Variants in TMC7 observed in about 807,000 individuals in gnomAD.
TMC7 encodes the protein transmembrane channel like 7.
TMC7 carries 54 observed loss-of-function variants against 82.9 expected under a neutral mutation model. The ratio of observed to expected loss-of-function variants is 0.65; its 90% CI spans 0.52 to 0.82. TMC7 has a LOEUF of 0.82. TMC7 is among the 40% of genes least tolerant of loss of function. The pLI, the probability that TMC7 is intolerant of heterozygous loss-of-function variation, is 0.00. For synonymous variants in TMC7, 350 were observed against 337.9 expected (o/e 1.04, Z -0.39); for missense variants, 820 against 901.2 (o/e 0.91, Z 1.15).
chr16:19,043,633 T>G (rs926688972), intron 9 of TMC7, among the ~76,000 whole-genome samples: 7 of 152,124 alleles, frequency 4.6e-5, no homozygotes, highest in Non-Finnish European at 1.0e-4. Context: ...TGCAATGGCG[T>G]GATCTTATCT....
chr16:19,055,919 C>T (rs929570383), intron 13 of TMC7, among the ~76,000 whole-genome samples: 1 of 152,146 alleles, frequency 6.6e-6, no homozygotes, highest in Non-Finnish European at 1.5e-5. Flanking sequence ...GGCCAGTTTC[C>T]TCACTTCTAA....
Position 19,048,427 on chromosome 16 carries a change from A to G in TMC7, c.1740+1178A>G, listed in dbSNP as rs1208502089. On this transcript the variant is annotated intron_variant, in intron 12 of 15. Coordinates refer to ENST00000304381, the MANE Select transcript of TMC7 (RefSeq NM_024847.4). ...AACCTCTTTTTTCTTTCTTTATTTT[A>G]TTTTATTTTTTGAGATGGAGTTTTG... 2.0e-5 allele frequency among the ~76,000 whole-genome samples: 3 copies of G among 151,470 alleles called. No individual in the cohort carries two copies. The East Asian group carries it at 5.8e-4, about 29-fold the overall frequency.
intron 1 of TMC7, among the ~76,000 whole-genome samples, chr16:19,002,065 T>G (rs1375108577): frequency 2.0e-5 from 3 of 152,028 alleles, no homozygotes; most frequent in Non-Finnish European, 2.9e-5. Flanking sequence ...TTAGTGCCAT[T>G]TAGATCATAC....
intron 1 of TMC7, among the ~76,000 whole-genome samples, chr16:19,001,250 G>A (rs1180621127): frequency 6.6e-6 from 1 of 152,120 alleles, no homozygotes; most frequent in Non-Finnish European, 1.5e-5. Context: ...ATTCAACTTA[G>A]AAGGTATTTA....
chr16:19,050,649 T>C (rs556429874), intron 12 of TMC7, among the ~76,000 whole-genome samples: 1 of 152,026 alleles, frequency 6.6e-6, no homozygotes, highest in African/African-American at 2.4e-5. Context: ...CCACCATGGC[T>C]GGCTAATTTT....
At chr16:18,997,967 C>T (rs963196885) in intron 1 of TMC7, among the ~76,000 whole-genome samples, 2 of 151,654 alleles carry the variant, frequency 1.3e-5, no homozygotes, top group South Asian at 4.2e-4. Flanking sequence ...CTGCTGATCT[C>T]GTGATCCGCC....
At chr16:19,052,362 A>G (rs1961578196) in intron 13 of TMC7, among the ~76,000 whole-genome samples, 1 of 151,998 alleles carries the variant, frequency 6.6e-6, no homozygotes, top group Non-Finnish European at 1.5e-5. Context: ...AATTATTTAA[A>G]CTTTTTAATT....
At chr16:19,008,217 C>T (rs549664060) in intron 1 of TMC7, among the ~76,000 whole-genome samples, 6 of 152,130 alleles carry the variant, frequency 3.9e-5, no homozygotes, top group Non-Finnish European at 8.8e-5. Flanking sequence ...GGATAAAACC[C>T]ATCTTGAAGG....
chr16:19,029,837 C>T (rs568932649), intron 5 of TMC7, among the ~76,000 whole-genome samples: 16 of 152,022 alleles, frequency 1.1e-4, no homozygotes, highest in South Asian at 2.1e-4. Flanking sequence ...CTCAGCCTCC[C>T]GAGTAGCTGG....
Position 19,041,524 on chromosome 16 carries a change from C to A in TMC7, c.1337+1078C>A, listed in dbSNP as rs1027911723. ...GGGACTACAGGCACGGGCCACCATG[C>A]CTGGCTAATTTTTTAAAATATATTT... On this transcript the variant is annotated intron_variant, in intron 9 of 15. Transcript: ENST00000304381. 2.6e-5 allele frequency among the ~76,000 whole-genome samples: 4 copies of A among 152,188 alleles called. No individual in the cohort carries two copies. In the East Asian group the frequency reaches 7.7e-4, roughly 29 times the overall value.
chr16:19,011,547 AAAAT>A (rs1416957978), intron 2 of TMC7, among the ~76,000 whole-genome samples: 2 of 149,456 alleles, frequency 1.3e-5, no homozygotes, highest in African/African-American at 4.9e-5. Context: ...ATAAATAAAT[AAAAT>A]AATAATAATA....
chr16:19,046,678 C>A (rs932428454), intron 11 of TMC7, among the ~76,000 whole-genome samples: 3 of 151,854 alleles, frequency 2.0e-5, no homozygotes, highest in African/African-American at 7.3e-5. Context: ...CTACAAAACA[C>A]AAAAATTAGC....
At chr16:19,032,282 G>T (rs1960552292) in intron 6 of TMC7, among the ~76,000 whole-genome samples, 1 of 152,148 alleles carries the variant, frequency 6.6e-6, no homozygotes, top group South Asian at 2.1e-4. Flanking sequence ...CCAATGCCCA[G>T]CTGGGCACTT....
At chr16:19,055,388 C>T (rs989927475) in intron 13 of TMC7, among the ~76,000 whole-genome samples, 9 of 152,108 alleles carry the variant, frequency 5.9e-5, no homozygotes, top group Admixed American at 2.6e-4. Flanking sequence ...GATGGCATGT[C>T]GCTCTGTCGC....
In TMC7 at chr16:19,047,258, C is replaced by G. The variant is rs1961318849; in HGVS notation, c.1740+9C>G. On this transcript the variant is annotated intron_variant, in intron 12 of 15. Transcript: ENST00000304381. ...TCTTCTATGTGAAAGAGGTAAGGAG[C>G]CGGTGGGAATGGGGGCTCATATACT... The G allele has an allele frequency of 6.2e-7, 1 of 1,611,594 alleles. No homozygotes were observed. Among genetic ancestry groups the G allele is most frequent in the Admixed American group, 1.7e-5 (1 of 59,740 alleles).
chr16:18,993,564 A>G (rs2038987711), intron 1 of TMC7, among the ~76,000 whole-genome samples: 1 of 152,194 alleles, frequency 6.6e-6, no homozygotes, highest in African/African-American at 2.4e-5. Context: ...CTGCTTCTTT[A>G]ACTACCTTAT....
At position 19,039,189 on chromosome 16, in the gene TMC7, C is replaced by G. The variant is rs1034356242; in HGVS notation, c.1180-1100C>G. On this transcript the variant is annotated intron_variant, in intron 8 of 15. Transcript: ENST00000304381. ...CACTGCAACCTCCACCTCCCGGGTT[C>G]AAGTCATTCTCCTGTCTCAGCCTCC... Among the ~76,000 whole-genome samples, 3 of 150,374 alleles carry G rather than the reference C, an allele frequency of 2.0e-5. No individual in the cohort carries two copies. In the Admixed American group the frequency reaches 2.0e-4, roughly 10 times the overall value.
intron 1 of TMC7, among the ~76,000 whole-genome samples, chr16:19,000,149 C>T (rs1005322731): frequency 6.6e-6 from 1 of 152,022 alleles, no homozygotes; most frequent in Non-Finnish European, 1.5e-5. Flanking sequence ...TCTGGACACC[C>T]TCCCTCCACT....
Position 19,035,758 on chromosome 16 carries a change from G to A in TMC7, c.940G>A (p.Asp314Asn). ...SYCNKIFAGW[D>N]FCITNRSMAD... is the part of the protein sequence containing the mutation. ...CTGCAACAAGATATTTGCCGGCTGGGACTTCTGCATCACTAACCGCAGCAT... is the reference window on the plus strand; with the variant it reads ...CTGCAACAAGATATTTGCCGGCTGGAACTTCTGCATCACTAACCGCAGCAT... The change falls in exon 7 of 16, where the codon GAC (aspartate) becomes AAC (asparagine). Residue 314 changes from aspartate to asparagine, a missense_variant. Transcript: ENST00000304381. 1.2e-6 allele frequency: 2 copies of A among 1,613,618 alleles called. No individual in the cohort carries two copies. The highest frequency in any genetic ancestry group is 8.5e-7 in the Non-Finnish European group (1 of 1,179,800).
Sources: allele counts gnomAD v4.1 joint callset (sites outside exome capture counted in the v4.1 genomes callset), GRCh38; gene constraint gnomAD v4.1.1; transcripts MANE v1.5; gene names NCBI Gene and HGNC (gene_info 2026-07-23, HGNC 2026-07-21).